The following ST8SIA2 variants were observed in gnomAD, a reference collection of about 807,000 sequenced individuals.
ST8SIA2 encodes ST8 alpha-N-acetyl-neuraminide alpha-2,8-sialyltransferase 2.
ST8SIA2 carries 22 observed loss-of-function variants against 37.6 expected under a neutral mutation model. That is an observed-to-expected ratio of 0.58 (90% CI 0.42 to 0.83). ST8SIA2 has a LOEUF of 0.83. Among genes scored for constraint, ST8SIA2 ranks in the 40% least tolerant of loss-of-function variants. ST8SIA2 has a pLI of 0.00. For missense variants in ST8SIA2, 382 were observed against 484.7 expected (o/e 0.79, Z 1.99); for synonymous variants, 205 against 201.2 (o/e 1.02, Z -0.16).
At chr15:92,447,998 A>G (rs2049854433) in intron 5 of ST8SIA2, among the ~76,000 whole-genome samples, 2 of 152,198 alleles carry the variant, frequency 1.3e-5, no homozygotes, top group South Asian at 4.1e-4. Flanking sequence ...CCCTTTGTTA[A>G]GGAGAGAAAA....
At chr15:92,432,802 C>T (rs1463975961) in intron 2 of ST8SIA2, among the ~76,000 whole-genome samples, 8 of 152,160 alleles carry the variant, frequency 5.3e-5, no homozygotes, top group African/African-American at 1.9e-4. Flanking sequence ...TGTGAGACAA[C>T]ATGCACCCCT....
At chr15:92,401,211 T>G (rs1327464504) in intron 1 of ST8SIA2, among the ~76,000 whole-genome samples, 1 of 152,094 alleles carries the variant, frequency 6.6e-6, no homozygotes, top group Non-Finnish European at 1.5e-5. Context: ...TGCCAGGGCG[T>G]GGGGACAAGC....
intron 3 of ST8SIA2, among the ~76,000 whole-genome samples, chr15:92,436,807 T>C (rs1446784035): frequency 6.6e-6 from 1 of 152,072 alleles, no homozygotes; most frequent in African/African-American, 2.4e-5. Flanking sequence ...GGAAAGACAA[T>C]GGATGAGACG....
intron 1 of ST8SIA2, among the ~76,000 whole-genome samples, chr15:92,424,173 C>A (rs1222507744): frequency 6.6e-6 from 1 of 152,234 alleles, no homozygotes; most frequent in East Asian, 1.9e-4. Flanking sequence ...TAAGTTGGCT[C>A]TAGACTCTTA....
intron 3 of ST8SIA2, among the ~76,000 whole-genome samples, chr15:92,437,503 C>T (rs1267974222): frequency 1.3e-5 from 2 of 152,140 alleles, no homozygotes; most frequent in East Asian, 1.9e-4. Flanking sequence ...AGCTGTGCTT[C>T]GTTCTGAAAC....
chr15:92,448,087 C>T (rs1415458292), intron 5 of ST8SIA2, among the ~76,000 whole-genome samples: 2 of 152,192 alleles, frequency 1.3e-5, no homozygotes, highest in South Asian at 2.1e-4. Context: ...AACTGACTCA[C>T]TTTCATCTGT....
intron 1 of ST8SIA2, among the ~76,000 whole-genome samples, chr15:92,426,163 C>T (rs1336025014): frequency 6.6e-6 from 1 of 152,108 alleles, no homozygotes; most frequent in Non-Finnish European, 1.5e-5. Context: ...TTTGTAAAGC[C>T]TCCCATCTGT....
intron 5 of ST8SIA2, among the ~76,000 whole-genome samples, chr15:92,452,932 C>T (rs2049892537): frequency 6.6e-6 from 1 of 152,120 alleles, no homozygotes; most frequent in Non-Finnish European, 1.5e-5. Context: ...CAACCCGTAA[C>T]AGCTGGGTTA....
chr15:92,395,430 C>T (rs908581060), intron 1 of ST8SIA2, among the ~76,000 whole-genome samples: 1 of 152,182 alleles, frequency 6.6e-6, no homozygotes, highest in Non-Finnish European at 1.5e-5. Context: ...AAACTTGTGA[C>T]AAGTGCCGCT....
chr15:92,418,281 C>G (rs986609497), intron 1 of ST8SIA2, among the ~76,000 whole-genome samples: 1 of 151,632 alleles, frequency 6.6e-6, no homozygotes, highest in African/African-American at 2.4e-5. Flanking sequence ...TGGCAAAACC[C>G]AAACTCTACT....
chr15:92,411,154 G>A (rs776186032), intron 1 of ST8SIA2, among the ~76,000 whole-genome samples: 4 of 152,178 alleles, frequency 2.6e-5, no homozygotes, highest in Non-Finnish European at 5.9e-5. Context: ...TCAGATCCAC[G>A]AACCCCTTGA....
chr15:92,418,107 C>T (rs1014834885), intron 1 of ST8SIA2, among the ~76,000 whole-genome samples: 12 of 152,082 alleles, frequency 7.9e-5, no homozygotes, highest in Non-Finnish European at 1.6e-4. Flanking sequence ...GGGCAAATCA[C>T]TTAACCTTTT....
Position 92,464,154 on chromosome 15 carries a change from G to A in ST8SIA2, c.897G>A (p.Met299Ile). Reference protein sequence around the residue: ...HIKRPTTGLLMYTLATRFCKQ... With the variant: ...HIKRPTTGLLIYTLATRFCKQ... ...AAAGACCCACCACCGGCCTCTTGAT[G>A]TATACCCTGGCCACACGTTTCTGCA... The change falls in exon 6 of 6, where the codon ATG (methionine) becomes ATA (isoleucine). Residue 299 changes from methionine to isoleucine, a missense_variant. Coordinates refer to ENST00000268164, the MANE Select transcript of ST8SIA2 (RefSeq NM_006011.4). The A allele has an allele frequency of 6.5e-7, 1 of 1,530,378 alleles. No homozygotes were observed. The allele number at this position is 1,530,378 out of a possible 1,614,324, so 94.8% of individuals were successfully genotyped here.
rs1348410453 is a variant in ST8SIA2 at position 92,424,711 on chromosome 15, C to T, written c.99-5338C>T. ...ACTGCAACCTCTGCCTCCTGGGTTC[C>T]AGTGATTCTCCTGCCTCAGCCTCTT... On this transcript the variant is annotated intron_variant, in intron 1 of 5. Transcript: ENST00000268164. Among the ~76,000 whole-genome samples the T allele has an allele frequency of 2.2e-4, 34 of 151,760 alleles. 1 individual carries two copies. Among genetic ancestry groups the T allele is most frequent in the Admixed American group, 2.2e-3 (34 of 15,232 alleles).
At chr15:92,399,720 A>T (rs1344584393) in intron 1 of ST8SIA2, among the ~76,000 whole-genome samples, 2 of 152,316 alleles carry the variant, frequency 1.3e-5, no homozygotes, top group Non-Finnish European at 2.9e-5. Context: ...CCAAGTCCTT[A>T]TTGCCAACTG....
At chr15:92,456,273 C>T (rs16946936) in intron 5 of ST8SIA2, among the ~76,000 whole-genome samples, 4,954 of 152,304 alleles carry the variant, frequency 0.033, 295 homozygotes, top group African/African-American at 0.11. Flanking sequence ...CATGTGCAGT[C>T]CTGGCAGCTG....
chr15:92,444,499 G>A lies in ST8SIA2; in HGVS notation c.549-137G>A, dbSNP rs2049825881. On this transcript the variant is annotated intron_variant, in intron 4 of 5. Transcript: ENST00000268164. ...GGAGAAAGGATGATGGGAGGGGCCTGTGAGTGTGGAGAGATGCCCTGGGTC... is the reference window on the plus strand; with the variant it reads ...GGAGAAAGGATGATGGGAGGGGCCTATGAGTGTGGAGAGATGCCCTGGGTC... 4.0e-6 allele frequency: 4 copies of A among 1,007,718 alleles called. No homozygotes were observed. In the Admixed American group the frequency reaches 5.9e-5, roughly 15 times the overall value. The allele number at this position is 1,007,718 out of a possible 1,614,324, so 62.4% of individuals were successfully genotyped here.
intron 5 of ST8SIA2, among the ~76,000 whole-genome samples, chr15:92,463,510 G>A (rs4777989): frequency 0.65 from 98,802 of 152,066 alleles, 32,625 homozygotes; most frequent in African/African-American, 0.78. Context: ...GCAGATCCGC[G>A]AGGGGACGCC....
Position 92,419,066 on chromosome 15 carries a change from G to A in ST8SIA2, c.99-10983G>A, listed in dbSNP as rs113419483. On this transcript the variant is annotated intron_variant, in intron 1 of 5. Transcript: ENST00000268164. Reference sequence around the variant, plus strand: ...AGAGAGAAGGTCTCTCCGGGGCCACGTGTGAGCCAGGCAGAAGGTGGGAAC... The same window carrying A: ...AGAGAGAAGGTCTCTCCGGGGCCACATGTGAGCCAGGCAGAAGGTGGGAAC... Among the ~76,000 whole-genome samples, 957 of 152,242 alleles carry A rather than the reference G, an allele frequency of 6.3e-3. 10 individuals are homozygous for A. The highest frequency in any genetic ancestry group is 0.022 in the African/African-American group (899 of 41,534).
Sources: gnomAD v4.1 joint callset for allele counts (sites outside exome capture counted in the v4.1 genomes callset) on GRCh38, gnomAD v4.1.1 for gene constraint, MANE v1.5 for transcripts, NCBI Gene and HGNC (gene_info 2026-07-23, HGNC 2026-07-21) for gene names.